Variants in SLC24A2 observed in about 807,000 individuals in gnomAD.
The protein encoded by SLC24A2 is solute carrier family 24 member 2, also known as sodium/potassium/calcium exchanger 2.
SLC24A2 carries 36 observed loss-of-function variants against 62.0 expected under a neutral mutation model. That is an observed-to-expected ratio of 0.58 (90% confidence interval 0.44 to 0.77). The LOEUF (loss-of-function observed/expected upper bound fraction) is 0.77, where lower values mean the gene tolerates loss of function less well. Ranked by LOEUF, SLC24A2 falls within the 30% of genes least tolerant of loss-of-function variation. The pLI is 0.00. For missense variants in SLC24A2, 846 were observed against 817.9 expected (o/e 1.03, Z -0.42); for synonymous variants, 358 against 294.0 (o/e 1.22, Z -2.23).
intron 2 of SLC24A2, among the ~76,000 whole-genome samples, chr9:19,711,652 A>T (rs906490133): frequency 3.9e-5 from 6 of 152,254 alleles, no homozygotes; most frequent in South Asian, 2.1e-4. Flanking sequence ...ATCAAAGCAC[A>T]TACCATACAA....
chr9:20,263,068 G>C, the SLC24A2 span, among the ~76,000 whole-genome samples: 1 of 152,152 alleles, frequency 6.6e-6, no homozygotes, highest in Non-Finnish European at 1.5e-5. Flanking sequence ...CAATCCACTG[G>C]AGCCTGCACC....
At chr9:20,172,473 A>T in the SLC24A2 span, among the ~76,000 whole-genome samples, 2 of 152,094 alleles carry the variant, frequency 1.3e-5, no homozygotes, top group South Asian at 4.1e-4. Context: ...CAAGAAAAGA[A>T]GAGAGAAATC....
intron 5 of SLC24A2, among the ~76,000 whole-genome samples, chr9:19,593,039 G>A (rs1836602677): frequency 6.6e-6 from 1 of 152,236 alleles, no homozygotes; most frequent in South Asian, 2.1e-4. Context: ...TTATTATTAA[G>A]TGAATGTGCT....
chr9:20,247,373 T>A, the SLC24A2 span, among the ~76,000 whole-genome samples: 1 of 152,116 alleles, frequency 6.6e-6, no homozygotes, highest in African/African-American at 2.4e-5. Flanking sequence ...AATGTGCATG[T>A]CCTCTCAAAA....
At chr9:19,840,456 G>T in the SLC24A2 span, among the ~76,000 whole-genome samples, 1 of 152,122 alleles carries the variant, frequency 6.6e-6, no homozygotes, top group African/African-American at 2.4e-5. Context: ...TCCCTATTCA[G>T]CTATACAGGA....
the SLC24A2 span, among the ~76,000 whole-genome samples, chr9:20,071,011 T>C: frequency 2.6e-5 from 4 of 152,166 alleles, no homozygotes; most frequent in Admixed American, 6.5e-5. Flanking sequence ...TGATAGTGAG[T>C]TCTTGTGAGA....
At chr9:20,047,294 C>CT in the SLC24A2 span, among the ~76,000 whole-genome samples, 1 of 151,996 alleles carries the variant, frequency 6.6e-6, no homozygotes, top group Non-Finnish European at 1.5e-5. Context: ...TCTTTCTAAA[C>CT]TTCAGTTACT....
At chr9:19,924,668 T>C in the SLC24A2 span, among the ~76,000 whole-genome samples, 3 of 152,204 alleles carry the variant, frequency 2.0e-5, no homozygotes, top group Non-Finnish European at 4.4e-5. Context: ...ATACTTTTCA[T>C]TGCCTGCAGA....
the SLC24A2 span, among the ~76,000 whole-genome samples, chr9:20,041,453 T>A: frequency 6.6e-5 from 10 of 152,228 alleles, no homozygotes; most frequent in African/African-American, 2.4e-4. Context: ...ACAAAAAGCA[T>A]GTGCATGCCC....
chr9:20,260,853 T>C, the SLC24A2 span, among the ~76,000 whole-genome samples: 2 of 141,678 alleles, frequency 1.4e-5, no homozygotes, highest in Non-Finnish European at 3.0e-5. Context: ...TTCTTTCTTT[T>C]TTTTTTTTTT....
chr9:19,772,863 A>G (rs1822731080), intron 2 of SLC24A2, among the ~76,000 whole-genome samples: 2 of 152,166 alleles, frequency 1.3e-5, no homozygotes, highest in African/African-American at 4.8e-5. Flanking sequence ...AGAACTAAAA[A>G]CATGTATTCA....
At chr9:20,248,886 G>C in the SLC24A2 span, among the ~76,000 whole-genome samples, 2 of 152,302 alleles carry the variant, frequency 1.3e-5, 1 homozygote, top group South Asian at 4.1e-4. Context: ...TCTCTAAATA[G>C]TTGTTTCCTC....
the SLC24A2 span, among the ~76,000 whole-genome samples, chr9:19,848,719 TAA>T: frequency 0.025 from 3,733 of 152,246 alleles, 147 homozygotes; most frequent in African/African-American, 0.084. Context: ...GTAGGTGAGA[TAA>T]AAAAATGTAA....
At chr9:19,706,811 C>A (rs1288608408) in intron 2 of SLC24A2, among the ~76,000 whole-genome samples, 5 of 151,778 alleles carry the variant, frequency 3.3e-5, no homozygotes, top group Non-Finnish European at 7.4e-5. Flanking sequence ...CAGGAAAGAT[C>A]CAAAATTGAC....
the SLC24A2 span, among the ~76,000 whole-genome samples, chr9:20,190,335 C>T: frequency 1.3e-5 from 2 of 152,256 alleles, no homozygotes; most frequent in East Asian, 3.9e-4. Context: ...ATCCTCCTAC[C>T]TCTCTCAGAT....
At chr9:19,787,824 G>A (rs966382750) in intron 1 of SLC24A2, among the ~76,000 whole-genome samples, 1 of 152,078 alleles carries the variant, frequency 6.6e-6, no homozygotes, top group Admixed American at 6.5e-5. Flanking sequence ...AGGCTATTTC[G>A]AGAGACCACA....
the SLC24A2 span, among the ~76,000 whole-genome samples, chr9:20,057,157 G>A: frequency 2.0e-5 from 3 of 152,314 alleles, no homozygotes; most frequent in Admixed American, 2.0e-4. Context: ...TATTGGGCCA[G>A]AAGATTCATA....
intron 9 of SLC24A2, among the ~76,000 whole-genome samples, chr9:19,523,531 C>T (rs919812693): frequency 4.6e-5 from 7 of 151,544 alleles, no homozygotes; most frequent in Non-Finnish European, 1.0e-4. Context: ...GGTGTGATCT[C>T]GGCTCACTGA....
chr9:20,170,275 C>G, the SLC24A2 span, among the ~76,000 whole-genome samples: 1 of 141,500 alleles, frequency 7.1e-6, no homozygotes, highest in Non-Finnish European at 1.5e-5. Context: ...AACCAGCACT[C>G]AGGCAAAAGT....
Sources: allele counts gnomAD v4.1 joint callset (sites outside exome capture counted in the v4.1 genomes callset), GRCh38; gene constraint gnomAD v4.1.1; transcripts MANE v1.5; gene names NCBI Gene and HGNC (gene_info 2026-07-23, HGNC 2026-07-21).